Variants in DLGAP1 observed in about 807,000 individuals in gnomAD.
DLGAP1 encodes DLG associated protein 1, also known as disks large-associated protein 1.
Under a neutral mutation model 90.8 loss-of-function variants are expected in DLGAP1, and 11 were observed. That is an observed-to-expected ratio of 0.12 (90% CI 0.08 to 0.20). The LOEUF (loss-of-function observed/expected upper bound fraction) is 0.20. DLGAP1 is among the 10% of genes least tolerant of loss of function. DLGAP1 has a pLI of 1.00. For synonymous variants in DLGAP1, 558 were observed against 540.7 expected (o/e 1.03, Z -0.44); for missense variants, 1,050 against 1,333.8 (o/e 0.79, Z 3.31).
intron 3 of DLGAP1, among the ~76,000 whole-genome samples, chr18:3,922,988 G>T (rs1217373274): frequency 1.3e-5 from 2 of 151,920 alleles, no homozygotes; most frequent in Non-Finnish European, 2.9e-5. Flanking sequence ...ATAAAAATTA[G>T]CTGGGCGTGG....
At chr18:3,601,816 G>C (rs1337843142) in intron 7 of DLGAP1, among the ~76,000 whole-genome samples, 1 of 143,082 alleles carries the variant, frequency 7.0e-6, no homozygotes, top group Non-Finnish European at 1.5e-5. Context: ...CTGCACTCCA[G>C]CCTGGGTGAC....
chr18:3,635,430 C>G (rs545740429), intron 7 of DLGAP1, among the ~76,000 whole-genome samples: 1 of 151,428 alleles, frequency 6.6e-6, no homozygotes, highest in Non-Finnish European at 1.5e-5. Flanking sequence ...TGAGCCACCG[C>G]GCCCGGCCTG....
chr18:4,415,410 T>C (rs2144641791), intron 1 of DLGAP1, among the ~76,000 whole-genome samples: 1 of 152,280 alleles, frequency 6.6e-6, no homozygotes, highest in South Asian at 2.1e-4. Flanking sequence ...AATTTATTAC[T>C]TGCCTTATAA....
At chr18:4,220,353 T>C (rs2078049702) in intron 1 of DLGAP1, among the ~76,000 whole-genome samples, 1 of 152,138 alleles carries the variant, frequency 6.6e-6, no homozygotes, top group Non-Finnish European at 1.5e-5. Context: ...GCCAAGAACT[T>C]AGTATCCTTT....
At chr18:3,802,648 C>T (rs1417396426) in intron 5 of DLGAP1, among the ~76,000 whole-genome samples, 1 of 152,096 alleles carries the variant, frequency 6.6e-6, no homozygotes, top group Non-Finnish European at 1.5e-5. Flanking sequence ...TTAGCGGTAA[C>T]ATACATAATG....
chr18:3,635,192 G>A (rs368871269), intron 7 of DLGAP1, among the ~76,000 whole-genome samples: 4 of 150,926 alleles, frequency 2.7e-5, no homozygotes, highest in South Asian at 2.1e-4. Context: ...GTGCAGTGGC[G>A]GGATCTCGGC....
At chr18:3,687,470 C>CATTA (rs1247245606) in intron 7 of DLGAP1, among the ~76,000 whole-genome samples, 1 of 152,170 alleles carries the variant, frequency 6.6e-6, no homozygotes, top group Non-Finnish European at 1.5e-5. Flanking sequence ...TATAGCTCTT[C>CATTA]ATTAATTACT....
At chr18:3,676,117 A>G (rs533056106) in intron 7 of DLGAP1, among the ~76,000 whole-genome samples, 3 of 152,368 alleles carry the variant, frequency 2.0e-5, no homozygotes, top group African/African-American at 7.2e-5. Flanking sequence ...AGATGCCGGC[A>G]GTTGTGCCAA....
chr18:3,993,116 G>C (rs1321527263), intron 3 of DLGAP1: 1 of 150,618 alleles, frequency 6.6e-6, no homozygotes, highest in Non-Finnish European at 1.5e-5. Context: ...ATCTTCAGAA[G>C]ACAAGCAGAT....
intron 7 of DLGAP1, chr18:3,656,064 T>C (rs2059472785): frequency 6.5e-7 from 1 of 1,538,854 alleles, no homozygotes; most frequent in Non-Finnish European, 8.8e-7. Context: ...ATTATTGATT[T>C]TGTGGTTGTA....
chr18:4,197,049 T>A (rs1366530301), intron 1 of DLGAP1, among the ~76,000 whole-genome samples: 1 of 151,618 alleles, frequency 6.6e-6, no homozygotes, highest in Admixed American at 6.6e-5. Context: ...GGTGGGCGCC[T>A]GTAATTCCAG....
At chr18:4,161,615 TA>T (rs2076847230) in intron 1 of DLGAP1, among the ~76,000 whole-genome samples, 1 of 152,180 alleles carries the variant, frequency 6.6e-6, no homozygotes, top group Non-Finnish European at 1.5e-5. Context: ...CCTTATTTTT[TA>T]AAAAATCAGG....
intron 1 of DLGAP1, among the ~76,000 whole-genome samples, chr18:4,332,895 T>C (rs2080980892): frequency 6.6e-6 from 1 of 151,970 alleles, no homozygotes; most frequent in Non-Finnish European, 1.5e-5. Flanking sequence ...CCAAATTCTA[T>C]TTATTTTAAA....
chr18:4,341,187 T>C (rs1259176095), intron 1 of DLGAP1, among the ~76,000 whole-genome samples: 1 of 151,852 alleles, frequency 6.6e-6, no homozygotes, highest in Admixed American at 6.6e-5. Context: ...TAGAGGAATA[T>C]ATATATATAT....
Position 4,188,868 on chromosome 18 carries a change from C to A in DLGAP1, c.-266-37581G>T, listed in dbSNP as rs377681305. 6.6e-5 allele frequency among the ~76,000 whole-genome samples: 10 copies of A among 152,248 alleles called. No individual in the cohort carries two copies. The East Asian group carries it at 1.7e-3, about 26-fold the overall frequency. On this transcript the variant is annotated intron_variant, in intron 1 of 12. Coordinates refer to ENST00000315677, the MANE Select transcript of DLGAP1 (RefSeq NM_004746.4). ...CAACATGCAAAGCGTCACATAAAGT[C>A]ATTGACAGATTAAATTAAATCAAAT...
At chr18:3,647,686 A>G (rs1675248) in intron 7 of DLGAP1, among the ~76,000 whole-genome samples, 7,254 of 152,016 alleles carry the variant, frequency 0.048, 604 homozygotes, top group African/African-American at 0.17. Flanking sequence ...GGCTGGTCTC[A>G]AACTCCTGAC....
rs2078663122 is a variant in DLGAP1 at position 4,246,868 on chromosome 18, A to ATAAAG, written c.-266-95582_-266-95581insCTTTA. 6.8e-5 allele frequency among the ~76,000 whole-genome samples: 6 copies of ATAAAG among 88,312 alleles called. No individual in the cohort carries two copies. The South Asian group carries it at 2.2e-3, about 32-fold the overall frequency. 57.9% of individuals were successfully genotyped at this position (88,312 alleles called of 152,430 possible). ...ATTTTACCTTTATTTCTTCCTTCAG[A>ATAAAG]AAAAGAAAAGAAAAAGCGAGAGAGA... On this transcript the variant is annotated intron_variant, in intron 1 of 12. Transcript: ENST00000315677.
At chr18:4,194,229 C>T (rs374696955) in intron 1 of DLGAP1, among the ~76,000 whole-genome samples, 2 of 152,282 alleles carry the variant, frequency 1.3e-5, no homozygotes, top group African/African-American at 4.8e-5. Context: ...CAATGTTTAG[C>T]TTCCACTTAT....
intron 1 of DLGAP1, among the ~76,000 whole-genome samples, chr18:4,254,034 C>G (rs138749441): frequency 6.6e-6 from 1 of 152,272 alleles, no homozygotes; most frequent in Non-Finnish European, 1.5e-5. Context: ...TTCCACATAA[C>G]CCATGATGCA....
Sources: allele counts gnomAD v4.1 joint callset (sites outside exome capture counted in the v4.1 genomes callset), GRCh38; gene constraint gnomAD v4.1.1; transcripts MANE v1.5; gene names NCBI Gene and HGNC (gene_info 2026-07-23, HGNC 2026-07-21).